Variants in SAMTOR observed in about 807,000 individuals in gnomAD.
SAMTOR encodes S-adenosylmethionine sensor upstream of mTORC1, also known as UPF0532 protein C7orf60.
chr7:112,905,652 C>T, the SAMTOR span, among the ~76,000 whole-genome samples: 2 of 152,112 alleles, frequency 1.3e-5, no homozygotes. Context: ...TCACTATATT[C>T]ATAAATCTAA....
At chr7:112,906,872 C>T in the SAMTOR span, among the ~76,000 whole-genome samples, 26 of 152,114 alleles carry the variant, frequency 1.7e-4, no homozygotes, top group East Asian at 1.2e-3. Flanking sequence ...GCCCGGCCGA[C>T]GTATCTTTTT....
chr7:112,837,171 T>TC, the SAMTOR span, among the ~76,000 whole-genome samples: 1 of 152,000 alleles, frequency 6.6e-6, no homozygotes, highest in Non-Finnish European at 1.5e-5. Flanking sequence ...TTAGCTGTAT[T>TC]CTAGGTATTT....
chr7:112,855,585 T>C, the SAMTOR span, among the ~76,000 whole-genome samples: 1 of 152,186 alleles, frequency 6.6e-6, no homozygotes, highest in South Asian at 2.1e-4. Context: ...CATTCTCAGC[T>C]TCTGGAGGCC....
At chr7:112,885,391 C>A in the SAMTOR span, among the ~76,000 whole-genome samples, 2 of 152,292 alleles carry the variant, frequency 1.3e-5, no homozygotes, top group African/African-American at 4.8e-5. Flanking sequence ...CATCAGGCTG[C>A]AAATTTTCCA....
At chr7:112,837,477 C>G in the SAMTOR span, among the ~76,000 whole-genome samples, 1 of 151,642 alleles carries the variant, frequency 6.6e-6, no homozygotes, top group East Asian at 1.9e-4. Context: ...TTATGCTTAG[C>G]TAGGGTGGTT....
At chr7:112,847,973 T>G in the SAMTOR span, among the ~76,000 whole-genome samples, 3 of 152,048 alleles carry the variant, frequency 2.0e-5, no homozygotes, top group East Asian at 5.8e-4. Context: ...TCACTGTCTC[T>G]TCAAAAAATT....
chr7:112,882,209 C>A, the SAMTOR span, among the ~76,000 whole-genome samples: 1 of 152,172 alleles, frequency 6.6e-6, no homozygotes, highest in Non-Finnish European at 1.5e-5. Context: ...ACACCCCTTG[C>A]CACTCTGCAC....
At chr7:112,921,139 G>A in the SAMTOR span, among the ~76,000 whole-genome samples, 1 of 152,156 alleles carries the variant, frequency 6.6e-6, no homozygotes, top group Non-Finnish European at 1.5e-5. Flanking sequence ...GCATCACCAA[G>A]TCAACCCTAA....
the SAMTOR span, among the ~76,000 whole-genome samples, chr7:112,921,264 A>C: frequency 4.6e-5 from 7 of 152,334 alleles, no homozygotes; most frequent in Middle Eastern, 3.4e-3. Context: ...GATCAATGGA[A>C]CAGAACAGAC....
At chr7:112,939,566 C>T in the SAMTOR span, 1 of 1,613,706 alleles carries the variant, frequency 6.2e-7, no homozygotes, top group Admixed American at 1.7e-5. Flanking sequence ...CCTCCCCTTC[C>T]TCCCTCACTC....
At chr7:112,822,018 A>G in the SAMTOR span, 2 of 1,613,804 alleles carry the variant, frequency 1.2e-6, no homozygotes, top group South Asian at 1.1e-5. Flanking sequence ...AAATGCCATC[A>G]GATGCATATG....
the SAMTOR span, among the ~76,000 whole-genome samples, chr7:112,937,345 G>C: frequency 6.6e-6 from 1 of 152,110 alleles, no homozygotes; most frequent in Non-Finnish European, 1.5e-5. Flanking sequence ...CTATAGTTCA[G>C]GTATGTTATT....
the SAMTOR span, among the ~76,000 whole-genome samples, chr7:112,868,510 G>A: frequency 4.6e-5 from 7 of 152,162 alleles, no homozygotes; most frequent in Admixed American, 1.3e-4. Flanking sequence ...AAGGGAGAGC[G>A]CCCTGTTTCT....
chr7:112,845,557 A>C, the SAMTOR span, among the ~76,000 whole-genome samples: 1 of 152,314 alleles, frequency 6.6e-6, no homozygotes, highest in East Asian at 1.9e-4. Flanking sequence ...CACACAAGTC[A>C]TAATGGTTAT....
the SAMTOR span, among the ~76,000 whole-genome samples, chr7:112,853,904 T>C: frequency 2.0e-5 from 3 of 152,062 alleles, no homozygotes; most frequent in Admixed American, 1.3e-4. Context: ...ATGAGAAAAA[T>C]AGGTTTCTAT....
At chr7:112,886,406 C>T in the SAMTOR span, among the ~76,000 whole-genome samples, 47 of 152,218 alleles carry the variant, frequency 3.1e-4, 1 homozygote, top group African/African-American at 1.1e-3. Context: ...TGTACAAGAG[C>T]CCATTTATAC....
the SAMTOR span, among the ~76,000 whole-genome samples, chr7:112,842,695 A>G: frequency 0.037 from 5,578 of 152,094 alleles, 147 homozygotes; most frequent in Middle Eastern, 0.078. Flanking sequence ...AAGTGTATGT[A>G]AATAAACAGT....
the SAMTOR span, among the ~76,000 whole-genome samples, chr7:112,873,250 C>G: frequency 6.6e-6 from 1 of 151,746 alleles, no homozygotes. Context: ...AAAAAGAGCC[C>G]AAATAGCCAA....
chr7:112,847,503 G>T, the SAMTOR span, among the ~76,000 whole-genome samples: 1 of 152,150 alleles, frequency 6.6e-6, no homozygotes, highest in Non-Finnish European at 1.5e-5. Flanking sequence ...TATAGGCCAG[G>T]CATGGTGGCT....
Sources: gnomAD v4.1 joint callset for allele counts (sites outside exome capture counted in the v4.1 genomes callset) on GRCh38, gnomAD v4.1.1 for gene constraint, MANE v1.5 for transcripts, NCBI Gene and HGNC (gene_info 2026-07-23, HGNC 2026-07-21) for gene names.